The following ADAMTS12 variants were observed in gnomAD, a reference collection of about 807,000 sequenced individuals.
ADAMTS12 encodes ADAM metallopeptidase with thrombospondin type 1 motif 12.
Under a neutral mutation model 167.8 loss-of-function variants are expected in ADAMTS12, and 118 were observed. The observed-to-expected ratio is 0.70, with a 90% CI of 0.61 to 0.82. The LOEUF (loss-of-function observed/expected upper bound fraction) is 0.82, where lower values mean the gene tolerates loss of function less well. Among genes scored for constraint, ADAMTS12 ranks in the 40% least tolerant of loss-of-function variants. The pLI, the probability that ADAMTS12 is intolerant of heterozygous loss-of-function variation, is 0.00. For missense variants in ADAMTS12, 1,916 were observed against 1,998.8 expected (o/e 0.96, Z 0.79); for synonymous variants, 704 against 716.9 (o/e 0.98, Z 0.29).
At chr5:33,568,624 C>T (rs58298137) in intron 19 of ADAMTS12, among the ~76,000 whole-genome samples, 6,964 of 152,176 alleles carry the variant, frequency 0.046, 521 homozygotes, top group African/African-American at 0.16. Flanking sequence ...ATCAGGACCA[C>T]GAAAAGGAAA....
At chr5:33,625,127 C>T (rs1739521911) in intron 13 of ADAMTS12, among the ~76,000 whole-genome samples, 1 of 152,070 alleles carries the variant, frequency 6.6e-6, no homozygotes, top group Non-Finnish European at 1.5e-5. Context: ...ACTACAGGTA[C>T]CACACCAGGC....
At chr5:33,607,495 C>G (rs1463585978) in intron 16 of ADAMTS12, among the ~76,000 whole-genome samples, 1 of 152,100 alleles carries the variant, frequency 6.6e-6, no homozygotes, top group Non-Finnish European at 1.5e-5. Flanking sequence ...TATTCAGGCT[C>G]TTTTTTGGTT....
chr5:33,881,508 A>G, intron 1 of ADAMTS12, 28 bp from the exon 2 acceptor site: 1 of 1,596,538 alleles, frequency 6.3e-7, no homozygotes. Context: ...ATGGAAGAAC[A>G]GTGAGGGAGA....
chr5:33,585,656 T>C (rs989800817), intron 18 of ADAMTS12, among the ~76,000 whole-genome samples: 5 of 152,190 alleles, frequency 3.3e-5, no homozygotes, highest in Admixed American at 6.5e-5. Context: ...CTGTTTACAA[T>C]AGAGTTCCCT....
intron 2 of ADAMTS12, among the ~76,000 whole-genome samples, chr5:33,769,538 T>C (rs1343575056): frequency 6.6e-6 from 1 of 152,192 alleles, no homozygotes; most frequent in Non-Finnish European, 1.5e-5. Flanking sequence ...TTTATTCACT[T>C]ACATCAATTA....
At chr5:33,834,708 G>A (rs1291822110) in intron 2 of ADAMTS12, among the ~76,000 whole-genome samples, 1 of 152,188 alleles carries the variant, frequency 6.6e-6, no homozygotes, top group Non-Finnish European at 1.5e-5. Flanking sequence ...AGTTCCCTGG[G>A]CAGGTATGAA....
At chr5:33,813,835 G>C (rs1006746155) in intron 2 of ADAMTS12, among the ~76,000 whole-genome samples, 1 of 152,194 alleles carries the variant, frequency 6.6e-6, no homozygotes, top group African/African-American at 2.4e-5. Context: ...GAGACATGCT[G>C]TGCCCCCTGA....
intron 2 of ADAMTS12, among the ~76,000 whole-genome samples, chr5:33,759,877 C>T (rs1025028200): frequency 4.6e-5 from 7 of 152,170 alleles, no homozygotes; most frequent in African/African-American, 1.4e-4. Flanking sequence ...CCATTCAGTC[C>T]AATAAAGTGG....
At position 33,598,081 on chromosome 5, in the gene ADAMTS12, G is replaced by A. The variant is rs565456893; in HGVS notation, c.2528-2021C>T. ...CATGGGTCAATCCACTGCACCAGCTGGGAGATGAATGGATAGGCCAGGCAG... is the reference window on the plus strand; with the variant it reads ...CATGGGTCAATCCACTGCACCAGCTAGGAGATGAATGGATAGGCCAGGCAG... On this transcript the variant is annotated intron_variant, in intron 16 of 23. Coordinates refer to ENST00000504830, the MANE Select transcript of ADAMTS12 (RefSeq NM_030955.4). Among the ~76,000 whole-genome samples the A allele has an allele frequency of 2.0e-5, 3 of 152,176 alleles. No homozygotes were observed. The South Asian group carries it at 6.2e-4, about 31-fold the overall frequency.
At chr5:33,757,380 C>T (rs1193044429) in intron 2 of ADAMTS12, among the ~76,000 whole-genome samples, 1 of 152,202 alleles carries the variant, frequency 6.6e-6, no homozygotes, top group African/African-American at 2.4e-5. Context: ...AGGGAGCTGC[C>T]ACTGTCCTGA....
chr5:33,608,485 T>C (rs1222254452), intron 16 of ADAMTS12, among the ~76,000 whole-genome samples: 1 of 152,178 alleles, frequency 6.6e-6, no homozygotes, highest in African/African-American at 2.4e-5. Flanking sequence ...AAGAGAATCA[T>C]CACTTATCAC....
At chr5:33,838,245 G>A (rs1406053724) in intron 2 of ADAMTS12, among the ~76,000 whole-genome samples, 1 of 152,172 alleles carries the variant, frequency 6.6e-6, no homozygotes, top group African/African-American at 2.4e-5. Flanking sequence ...AACCACATCA[G>A]TTATATAGTT....
At chr5:33,658,462 C>T in intron 6 of ADAMTS12, 129 bp from the exon 7 acceptor site, 1 of 1,079,826 alleles carries the variant, frequency 9.3e-7, no homozygotes. Flanking sequence ...TTTAAAAAGT[C>T]TACATGAATG....
chr5:33,869,870 C>T (rs370608452), intron 2 of ADAMTS12, among the ~76,000 whole-genome samples: 4 of 152,084 alleles, frequency 2.6e-5, no homozygotes, highest in African/African-American at 9.7e-5. Flanking sequence ...TACCTGGGGG[C>T]GCTGCAGGAG....
At chr5:33,668,280 AAT>A (rs71902672) in intron 5 of ADAMTS12, among the ~76,000 whole-genome samples, 56,608 of 99,384 alleles carry the variant, frequency 0.57, 12,121 homozygotes, top group Non-Finnish European at 0.66. Context: ...TAATTTACTG[AAT>A]ACTCTACTAA....
chr5:33,557,591 C>T (rs1745542215), intron 20 of ADAMTS12, among the ~76,000 whole-genome samples: 1 of 152,044 alleles, frequency 6.6e-6, no homozygotes, highest in Non-Finnish European at 1.5e-5. Flanking sequence ...GAGTGGGCCA[C>T]TGCACTCCAG....
intron 19 of ADAMTS12, 135 bp downstream of exon 19, chr5:33,575,919 A>C (rs553001231): frequency 2.2e-4 from 278 of 1,270,106 alleles, no homozygotes; most frequent in Non-Finnish European, 2.7e-4. Context: ...AGGGGAGGGC[A>C]TGGGTCTGAT....
intron 23 of ADAMTS12, among the ~76,000 whole-genome samples, chr5:33,530,625 A>G (rs1261491605): frequency 1.3e-5 from 2 of 152,206 alleles, no homozygotes; most frequent in Non-Finnish European, 2.9e-5. Context: ...GGAAGGGTGG[A>G]GGCTCAGCTG....
At chr5:33,763,355 G>C (rs1426567607) in intron 2 of ADAMTS12, among the ~76,000 whole-genome samples, 2 of 152,184 alleles carry the variant, frequency 1.3e-5, no homozygotes, top group Non-Finnish European at 2.9e-5. Context: ...CAAGAGGCTG[G>C]AGTGATGTGA....
Sources: allele counts gnomAD v4.1 joint callset (sites outside exome capture counted in the v4.1 genomes callset), GRCh38; gene constraint gnomAD v4.1.1; transcripts MANE v1.5; gene names NCBI Gene and HGNC (gene_info 2026-07-23, HGNC 2026-07-21).